GRIP1: variants seen among roughly 807,000 people sequenced by gnomAD.
GRIP1 encodes the protein glutamate receptor interacting protein 1.
A neutral mutation model predicts 129.9 loss-of-function variants in GRIP1; 45 were observed. The ratio of observed to expected loss-of-function variants is 0.35; its 90% confidence interval spans 0.27 to 0.44. The LOEUF (loss-of-function observed/expected upper bound fraction) is 0.44. GRIP1 is among the 20% of genes least tolerant of loss of function. The probability of loss-of-function intolerance (pLI) is 1.00; values close to 1 mark genes in which losing one functional copy is unlikely to be tolerated. For missense variants in GRIP1, 1,196 were observed against 1,396.8 expected (o/e 0.86, Z 2.29); for synonymous variants, 530 against 520.8 (o/e 1.02, Z -0.24).
At chr12:66,578,686 G>A (rs1476653562) in intron 2 of GRIP1, among the ~76,000 whole-genome samples, 3 of 152,210 alleles carry the variant, frequency 2.0e-5, no homozygotes, top group Non-Finnish European at 4.4e-5. Flanking sequence ...AAACTGCAAG[G>A]TGGCAGCGAG....
chr12:66,634,412 C>A (rs1175887599), intron 1 of GRIP1, among the ~76,000 whole-genome samples: 1 of 152,138 alleles, frequency 6.6e-6, no homozygotes, highest in Non-Finnish European at 1.5e-5. Flanking sequence ...GCTTTTATAG[C>A]TTTCTCTGCA....
intron 2 of GRIP1, among the ~76,000 whole-genome samples, chr12:66,552,425 G>T (rs1592536580): frequency 6.6e-6 from 1 of 152,230 alleles, no homozygotes; most frequent in African/African-American, 2.4e-5. Flanking sequence ...ACTTTTCCAA[G>T]TATTCTTACA....
chr12:66,417,479 T>C (rs540799354), intron 15 of GRIP1, among the ~76,000 whole-genome samples: 1 of 152,232 alleles, frequency 6.6e-6, no homozygotes, highest in East Asian at 1.9e-4. Flanking sequence ...CGTATCCAAA[T>C]TGGAAAGGAA....
chr12:66,522,859 G>T (rs2061068416), intron 5 of GRIP1, among the ~76,000 whole-genome samples: 1 of 152,142 alleles, frequency 6.6e-6, no homozygotes, highest in Non-Finnish European at 1.5e-5. Context: ...TGAAAGCCAA[G>T]GCTTGAGAAC....
chr12:66,505,212 A>G (rs1270446894), intron 7 of GRIP1, among the ~76,000 whole-genome samples: 1 of 152,202 alleles, frequency 6.6e-6, no homozygotes, highest in East Asian at 1.9e-4. Context: ...GTATGAGAAG[A>G]AGGCAGAGGA....
rs2056627661 is a variant in GRIP1 at position 66,392,450 on chromosome 12, G to C, written c.2322C>G (p.Asp774Glu). 1 of 1,614,016 alleles carries C rather than the reference G, an allele frequency of 6.2e-7. No individual in the cohort carries two copies. Among genetic ancestry groups the C allele is most frequent in the Admixed American group, 1.7e-5 (1 of 59,998 alleles). ...AGGAGTCCTCCTCCACATCCCCCAG[G>C]TCACTCAAATGGCTAGAAATAGGGA... is the stretch of plus-strand genomic sequence containing the variant. ...KKFPISSHLSDLGDVEEDSSP... is the reference protein window; with the variant it reads ...KKFPISSHLSELGDVEEDSSP... Residue 774 changes from aspartate to glutamate, a missense_variant, in exon 19 of 25, where the codon GAC (aspartate) becomes GAG (glutamate). By Grantham distance (45) the Asp-to-Glu change is conservative. Around this residue, in one of 5 missense-constraint regions of GRIP1, gnomAD observed 427 missense variants for 463.3 expected, o/e 0.92. Transcript: ENST00000359742.
At chr12:66,684,655 G>C (rs1358639725) in intron 1 of GRIP1, among the ~76,000 whole-genome samples, 1 of 152,086 alleles carries the variant, frequency 6.6e-6, no homozygotes, top group East Asian at 1.9e-4. Flanking sequence ...GACCAGTCTG[G>C]CCAACATGGT....
chr12:67,011,908 C>T (rs946846695), intron 1 of GRIP1, among the ~76,000 whole-genome samples: 2 of 152,120 alleles, frequency 1.3e-5, no homozygotes, highest in African/African-American at 4.8e-5. Flanking sequence ...AAGAACAGGC[C>T]TTGCTGTGTT....
At chr12:66,950,307 G>A (rs1277377764) in intron 1 of GRIP1, among the ~76,000 whole-genome samples, 2 of 151,952 alleles carry the variant, frequency 1.3e-5, no homozygotes, top group East Asian at 1.9e-4. Flanking sequence ...TTATACTAAC[G>A]TACAATTTAC....
intron 1 of GRIP1, among the ~76,000 whole-genome samples, chr12:66,615,779 G>A (rs1263882295): frequency 6.6e-6 from 1 of 152,044 alleles, no homozygotes. Flanking sequence ...CGAGTAGCTG[G>A]GATTACAGGT....
At chr12:66,868,252 T>C (rs1447678857) in intron 1 of GRIP1, among the ~76,000 whole-genome samples, 6 of 151,702 alleles carry the variant, frequency 4.0e-5, no homozygotes. Context: ...ACAGGGAAAA[T>C]TTGTACTGGC....
rs532286458 is a variant in GRIP1 at position 66,387,404 on chromosome 12, G to A, written c.2464+4904C>T. 6.2e-4 allele frequency among the ~76,000 whole-genome samples: 94 copies of A among 152,350 alleles called. 1 individual carries two copies. Among genetic ancestry groups the A allele is most frequent in the African/African-American group, 2.1e-3 (88 of 41,580 alleles). ...GGAAGAATTTACTCACACATACCAT[G>A]CTGGAACTGGGGTGTGTTTGGTACC... On this transcript the variant is annotated intron_variant, in intron 19 of 24. Coordinates refer to ENST00000359742, the MANE Select transcript of GRIP1 (RefSeq NM_001366722.1).
At chr12:66,565,854 G>T (rs1174686758) in intron 2 of GRIP1, among the ~76,000 whole-genome samples, 3 of 151,990 alleles carry the variant, frequency 2.0e-5, no homozygotes, top group East Asian at 1.9e-4. Flanking sequence ...CCTTGTAAGT[G>T]GGATTCCTAG....
intron 1 of GRIP1, among the ~76,000 whole-genome samples, chr12:66,915,991 G>A (rs539851236): frequency 5.3e-5 from 8 of 152,286 alleles, no homozygotes; most frequent in African/African-American, 1.9e-4. Flanking sequence ...CCTTGAGAAG[G>A]GCTGAAGCAT....
chr12:66,682,143 A>G (rs2034609069), upstream of GRIP1, among the ~76,000 whole-genome samples: 3 of 152,142 alleles, frequency 2.0e-5, no homozygotes, highest in Admixed American at 2.0e-4. Context: ...ACAAAATGTG[A>G]TCTAGTTTAC....
intron 1 of GRIP1, among the ~76,000 whole-genome samples, chr12:66,881,961 G>A (rs1266777939): frequency 6.6e-6 from 1 of 152,164 alleles, no homozygotes; most frequent in Admixed American, 6.5e-5. Flanking sequence ...GTCATTCAGA[G>A]AGGTGGCATC....
chr12:66,849,100 G>A (rs942839375), intron 1 of GRIP1, among the ~76,000 whole-genome samples: 6 of 152,038 alleles, frequency 3.9e-5, no homozygotes, highest in African/African-American at 9.7e-5. Context: ...TTAACAGCCC[G>A]CAAGACAAAA....
At chr12:66,877,385 G>A (rs2040401435) in intron 1 of GRIP1, among the ~76,000 whole-genome samples, 4 of 151,972 alleles carry the variant, frequency 2.6e-5, no homozygotes. Flanking sequence ...TGTATTTTAA[G>A]TCACTAAAAG....
At chr12:66,349,428 G>A (rs1231417183) in intron 24 of GRIP1, among the ~76,000 whole-genome samples, 182 bp from the exon 25 acceptor site, 1 of 152,200 alleles carries the variant, frequency 6.6e-6, no homozygotes, top group African/African-American at 2.4e-5. Context: ...TTGTCTGCTA[G>A]TAAATTGTAA....
Sources: gnomAD v4.1 joint callset for allele counts (sites outside exome capture counted in the v4.1 genomes callset) on GRCh38, gnomAD v4.1.1 for gene constraint, gnomAD v4.1.1 regional missense constraint, MANE v1.5 for transcripts, NCBI Gene and HGNC (gene_info 2026-07-23, HGNC 2026-07-21) for gene names.